The following CCDC178 variants were observed in gnomAD, a reference collection of about 807,000 sequenced individuals.
CCDC178 encodes the protein coiled-coil domain containing 178, also known as coiled-coil domain-containing protein 178.
In CCDC178, 126 loss-of-function variants were observed where a neutral mutation model predicts 117.4. The ratio of observed to expected loss-of-function variants is 1.07; its 90% CI spans 0.93 to 1.24. CCDC178 has a LOEUF of 1.24. Ranked by LOEUF, CCDC178 falls within the 50% of genes most tolerant of loss-of-function variation. The pLI is 0.00. For missense variants in CCDC178, 1,030 were observed against 986.9 expected, an observed-to-expected ratio of 1.04 and a Z score of -0.59; for synonymous variants, 283 against 313.4, an observed-to-expected ratio of 0.90 and a Z score of 1.02.
chr18:33,210,655 T>A (rs1476252719), intron 20 of CCDC178, among the ~76,000 whole-genome samples: 1 of 152,010 alleles, frequency 6.6e-6, no homozygotes, highest in Non-Finnish European at 1.5e-5. Context: ...GTAAATAACT[T>A]AAGCCTTCTT....
At chr18:33,352,254 A>C (rs1045187951) in intron 7 of CCDC178, among the ~76,000 whole-genome samples, 5 of 152,036 alleles carry the variant, frequency 3.3e-5, no homozygotes, top group Non-Finnish European at 7.4e-5. Context: ...ATTTCTGCAG[A>C]ATCTGTTGTA....
At chr18:33,177,005 A>G (rs2144454439) in intron 20 of CCDC178, among the ~76,000 whole-genome samples, 1 of 152,256 alleles carries the variant, frequency 6.6e-6, no homozygotes, top group East Asian at 1.9e-4. Context: ...TAAAGATTGA[A>G]CTCACCTCAT....
intron 21 of CCDC178, among the ~76,000 whole-genome samples, chr18:33,066,346 A>C (rs553273942): frequency 2.3e-4 from 35 of 152,042 alleles, no homozygotes; most frequent in Admixed American, 1.9e-3. Flanking sequence ...TAGATATATA[A>C]GTAAGAAAGA....
chr18:33,003,220 C>T lies in CCDC178; in HGVS notation c.2389-28539G>A, dbSNP rs189212265. 5.7e-3 allele frequency among the ~76,000 whole-genome samples: 861 copies of T among 150,202 alleles called. 11 individuals are homozygous for T. Among genetic ancestry groups the T allele is most frequent in the African/African-American group, 0.021 (828 of 40,088 alleles). On this transcript the variant is annotated intron_variant, in intron 21 of 22. Transcript: ENST00000383096. ...GATACCAAAACCTGACAAAGATGCA[C>T]CAAAAAAAAGAAAAGAAAAACTACA... is the stretch of plus-strand genomic sequence containing the variant.
intron 22 of CCDC178, among the ~76,000 whole-genome samples, chr18:32,950,964 C>A (rs192748323): frequency 2.6e-5 from 4 of 152,080 alleles, no homozygotes; most frequent in Admixed American, 6.5e-5. Flanking sequence ...TTTTCTAGCC[C>A]AGGAGTATCT....
chr18:33,161,691 T>A (rs2058465770), intron 20 of CCDC178, among the ~76,000 whole-genome samples: 1 of 152,116 alleles, frequency 6.6e-6, no homozygotes, highest in Admixed American at 6.6e-5. Context: ...TCTGGAGACT[T>A]ACTATAAATA....
rs2062609334 is a variant in CCDC178 at position 33,328,082 on chromosome 18, G to GTTTTTTTTTTTTTT, written c.880-4450_880-4449insAAAAAAAAAAAAAA. 24 of 242,062 alleles carry GTTTTTTTTTTTTTT rather than the reference G, an allele frequency of 9.9e-5. 7 individuals are homozygous for GTTTTTTTTTTTTTT. The highest frequency in any genetic ancestry group is 7.9e-4 in the African/African-American group (24 of 30,394). The allele number at this position is 242,062 out of a possible 1,614,324, so 15.0% of individuals were successfully genotyped here. A position where few individuals can be genotyped will look rare whatever the true frequency, so the allele number is the denominator to read the frequency against. On this transcript the variant is annotated intron_variant, in intron 10 of 22. Transcript: ENST00000383096. ...CCAAGGTCATAAAGATTTATCCCTA[G>GTTTTTTTTTTTTTT]ATTTTTTTTTTTTTTTTTTTTTTTT...
intron 21 of CCDC178, among the ~76,000 whole-genome samples, chr18:33,023,194 G>A (rs1166896983): frequency 6.6e-6 from 1 of 152,016 alleles, no homozygotes; most frequent in Non-Finnish European, 1.5e-5. Context: ...AAATCATTAA[G>A]GACAGAGAAG....
chr18:33,127,725 C>A (rs895776798), intron 20 of CCDC178, among the ~76,000 whole-genome samples: 2 of 152,142 alleles, frequency 1.3e-5, no homozygotes, highest in African/African-American at 4.8e-5. Flanking sequence ...TGAGCCACCA[C>A]GCCCAGCCCT....
Position 33,420,797 on chromosome 18 carries a change from A to C in CCDC178, c.-22-8687T>G, listed in dbSNP as rs568176203. 3.3e-5 allele frequency among the ~76,000 whole-genome samples: 5 copies of C among 152,344 alleles called. No homozygotes were observed. The East Asian group carries it at 9.7e-4, about 29-fold the overall frequency. On this transcript the variant is annotated intron_variant, in intron 2 of 22. Transcript: ENST00000383096. ...CTGAAATTAAAATAACAGTTAAAAA[A>C]AGTAAAAAAAATTATAAAAAGCTTA...
intron 21 of CCDC178, among the ~76,000 whole-genome samples, chr18:33,014,127 C>T (rs2055930513): frequency 6.6e-6 from 1 of 152,160 alleles, no homozygotes; most frequent in African/African-American, 2.4e-5. Flanking sequence ...TCCTCGTAAA[C>T]CTGGAAAACC....
chr18:32,961,065 G>A (rs1441005254), intron 22 of CCDC178, among the ~76,000 whole-genome samples: 1 of 152,054 alleles, frequency 6.6e-6, no homozygotes, highest in Non-Finnish European at 1.5e-5. Flanking sequence ...ACAATCATAT[G>A]TAGCTATTTG....
chr18:32,978,203 ATTTTTTTT>A (rs34863142), intron 21 of CCDC178, among the ~76,000 whole-genome samples: 5 of 90,042 alleles, frequency 5.6e-5, no homozygotes, highest in East Asian at 3.8e-4. Context: ...CTCAAAAAAG[ATTTTTTTT>A]TTTTTTTTTT....
At chr18:33,207,556 C>A in intron 20 of CCDC178, among the ~76,000 whole-genome samples, 1 of 149,966 alleles carries the variant, frequency 6.7e-6, no homozygotes, top group Non-Finnish European at 1.5e-5. Context: ...CTGAGAAAAT[C>A]ATAATATCTA....
intron 21 of CCDC178, among the ~76,000 whole-genome samples, chr18:33,084,223 T>G (rs1399087279): frequency 6.6e-6 from 1 of 152,252 alleles, no homozygotes. Flanking sequence ...TGTTTTCATG[T>G]TCCAGTACAG....
At chr18:33,302,912 C>T (rs1340371488) in intron 11 of CCDC178, among the ~76,000 whole-genome samples, 1 of 152,068 alleles carries the variant, frequency 6.6e-6, no homozygotes, top group Admixed American at 6.5e-5. Context: ...TACACAATTA[C>T]AGCTAGATAG....
chr18:33,104,893 G>T (rs2057683779), intron 20 of CCDC178, among the ~76,000 whole-genome samples: 1 of 151,698 alleles, frequency 6.6e-6, no homozygotes, highest in Admixed American at 6.6e-5. Context: ...GCCTGGTAGG[G>T]AAGTGTAAGT....
intron 21 of CCDC178, among the ~76,000 whole-genome samples, chr18:32,993,805 CAAATATTATTTGAATGACTTAATTAAT>C (rs1568204647): frequency 6.6e-6 from 1 of 152,126 alleles, no homozygotes; most frequent in Non-Finnish European, 1.5e-5. Flanking sequence ...AAGTCCTCAA[CAAATATTATTTGAATGACTTAATTAAT>C]AAATATAGGG....
chr18:33,263,655 C>G (rs895618315), intron 14 of CCDC178, among the ~76,000 whole-genome samples: 2 of 152,034 alleles, frequency 1.3e-5, no homozygotes, highest in African/African-American at 2.4e-5. Context: ...AAATTTCTTA[C>G]CACAAACGTG....
Sources: allele counts gnomAD v4.1 joint callset (sites outside exome capture counted in the v4.1 genomes callset), GRCh38; gene constraint gnomAD v4.1.1; transcripts MANE v1.5; gene names NCBI Gene and HGNC (gene_info 2026-07-23, HGNC 2026-07-21).